Variants in ACSS3 observed in about 807,000 individuals in gnomAD.
ACSS3 encodes acyl-CoA synthetase short-chain family member 3, mitochondrial.
In ACSS3, 64 loss-of-function variants were observed where a neutral mutation model predicts 84.2. That is an observed-to-expected ratio of 0.76 (90% CI 0.62 to 0.94). The LOEUF (loss-of-function observed/expected upper bound fraction) is 0.94. Among genes scored for constraint, ACSS3 ranks in the 40% least tolerant of loss-of-function variants. The probability of loss-of-function intolerance (pLI) is 0.00; values close to 1 mark genes in which losing one functional copy is unlikely to be tolerated. For synonymous variants in ACSS3, 317 were observed against 310.1 expected, an observed-to-expected ratio of 1.02 and a Z score of -0.23; for missense variants, 815 against 867.6, an observed-to-expected ratio of 0.94 and a Z score of 0.76.
In ACSS3 at chr12:81,139,878, G is replaced by A. The variant is rs564241539; in HGVS notation, c.780+613G>A. Among the ~76,000 whole-genome samples the A allele has an allele frequency of 1.1e-3, 161 of 151,894 alleles. 1 individual carries two copies. The highest frequency in any genetic ancestry group is 3.7e-3 in the African/African-American group (154 of 41,450). ...TCTCGATCTCCTGACCTCGTGATCC[G>A]CCTGCCTGGGCCCCCCAAAGTGCTG... On this transcript the variant is annotated intron_variant, in intron 4 of 15. Coordinates refer to ENST00000548058, the MANE Select transcript of ACSS3 (RefSeq NM_024560.4).
intron 11 of ACSS3, among the ~76,000 whole-genome samples, chr12:81,226,967 A>T (rs1275154861): frequency 1.0e-4 from 2 of 19,500 alleles, no homozygotes; most frequent in African/African-American, 2.7e-4. Flanking sequence ...TAGGATTTAC[A>T]CACACACACA....
chr12:81,087,957 G>T (rs1565968482), intron 1 of ACSS3, among the ~76,000 whole-genome samples: 1 of 152,132 alleles, frequency 6.6e-6, no homozygotes, highest in African/African-American at 2.4e-5. Context: ...TAATACGGAA[G>T]AATTATAAAA....
chr12:81,109,771 C>A, intron 2 of ACSS3, 67 bp downstream of exon 2: 1 of 1,293,112 alleles, frequency 7.7e-7, no homozygotes, highest in Non-Finnish European at 1.0e-6. Context: ...AGCATACATT[C>A]TCATTGTAGA....
intron 13 of ACSS3, among the ~76,000 whole-genome samples, chr12:81,245,201 C>CG (rs2033943359): frequency 1.3e-5 from 2 of 152,168 alleles, no homozygotes; most frequent in Admixed American, 1.3e-4. Context: ...GTGGCTCACG[C>CG]CTGTAATCCC....
intron 13 of ACSS3, among the ~76,000 whole-genome samples, chr12:81,244,948 T>C (rs968296470): frequency 4.6e-5 from 7 of 152,052 alleles, no homozygotes; most frequent in African/African-American, 1.7e-4. Context: ...TGGTTTGTTA[T>C]TTATTTTACC....
At chr12:81,161,426 T>C (rs1352429047) in intron 7 of ACSS3, among the ~76,000 whole-genome samples, 1 of 152,188 alleles carries the variant, frequency 6.6e-6, no homozygotes, top group Non-Finnish European at 1.5e-5. Flanking sequence ...CACAGAGAAT[T>C]CCCTGGCTCA....
intron 13 of ACSS3, among the ~76,000 whole-genome samples, chr12:81,243,027 G>A (rs2033861144): frequency 6.6e-6 from 1 of 151,590 alleles, no homozygotes; most frequent in South Asian, 2.1e-4. Flanking sequence ...GGCAAGAGAA[G>A]GAAATAAAGG....
intron 3 of ACSS3, 66 bp downstream of exon 3, chr12:81,135,070 T>C (rs1885714195): frequency 3.6e-5 from 49 of 1,349,476 alleles, no homozygotes; most frequent in Non-Finnish European, 4.9e-5. Context: ...TATCTGTGGA[T>C]GAATCATCTG....
intron 1 of ACSS3, among the ~76,000 whole-genome samples, chr12:81,096,999 TC>T (rs1393220319): frequency 1.3e-5 from 2 of 152,226 alleles, no homozygotes; most frequent in Non-Finnish European, 2.9e-5. Context: ...AAAATCAGTT[TC>T]TCAGTTGCAT....
intron 12 of ACSS3, 127 bp from the exon 13 acceptor site, chr12:81,233,222 A>T: frequency 9.9e-7 from 1 of 1,005,326 alleles, no homozygotes; most frequent in Non-Finnish European, 1.4e-6. Context: ...TTCCTAGTCT[A>T]GTTACGAAAA....
At chr12:81,114,839 A>G (rs947065764) in intron 2 of ACSS3, among the ~76,000 whole-genome samples, 1 of 152,120 alleles carries the variant, frequency 6.6e-6, no homozygotes, top group Admixed American at 6.6e-5. Flanking sequence ...ATTTTCACAA[A>G]CAGAATAATT....
intron 7 of ACSS3, chr12:81,158,350 C>G (rs1273171036): frequency 6.5e-6 from 1 of 153,628 alleles, no homozygotes; most frequent in African/African-American, 2.4e-5. Flanking sequence ...CTACAACATT[C>G]TCTCTTTAAG....
chr12:81,213,978 T>TCC (rs1312820523), intron 9 of ACSS3, among the ~76,000 whole-genome samples: 1,009 of 35,590 alleles, frequency 0.028, 149 homozygotes, highest in Non-Finnish European at 0.078. Flanking sequence ...TTTCTTTCTT[T>TCC]CTTTCTTTCT....
chr12:81,214,537 A>C (rs1353108761), intron 9 of ACSS3, among the ~76,000 whole-genome samples: 2 of 152,232 alleles, frequency 1.3e-5, no homozygotes, highest in East Asian at 3.8e-4. Flanking sequence ...TAATGTATAA[A>C]AAAGATGAAG....
At chr12:81,244,462 T>C (rs2135999404) in intron 13 of ACSS3, among the ~76,000 whole-genome samples, 1 of 152,190 alleles carries the variant, frequency 6.6e-6, no homozygotes, top group Admixed American at 6.5e-5. Flanking sequence ...TTGCTTCCAT[T>C]TCTTTCTTTT....
intron 2 of ACSS3, among the ~76,000 whole-genome samples, chr12:81,116,217 A>G (rs1684296403): frequency 6.6e-6 from 1 of 152,106 alleles, no homozygotes; most frequent in South Asian, 2.1e-4. Context: ...TTTGGTTTAA[A>G]GTACTTTACA....
At chr12:81,118,617 C>T (rs1246853095) in intron 2 of ACSS3, among the ~76,000 whole-genome samples, 2 of 152,132 alleles carry the variant, frequency 1.3e-5, no homozygotes, top group African/African-American at 2.4e-5. Flanking sequence ...AAATAAATAT[C>T]AGATCTTACA....
intron 2 of ACSS3, among the ~76,000 whole-genome samples, chr12:81,116,980 T>C (rs4240724): frequency 0.88 from 134,094 of 152,122 alleles, 60,314 homozygotes; most frequent in Middle Eastern, 0.97. Flanking sequence ...CTGATTAAAA[T>C]ATTTAACTTA....
chr12:81,174,727 G>A, intron 7 of ACSS3, 61 bp from the exon 8 acceptor site: 3 of 1,519,834 alleles, frequency 2.0e-6, no homozygotes, highest in Non-Finnish European at 2.7e-6. Flanking sequence ...TATAACTATT[G>A]AACTGTCAGT....
Sources: allele counts gnomAD v4.1 joint callset (sites outside exome capture counted in the v4.1 genomes callset), GRCh38; gene constraint gnomAD v4.1.1; transcripts MANE v1.5; gene names NCBI Gene and HGNC (gene_info 2026-07-23, HGNC 2026-07-21).